Variants in JAK1 observed in about 807,000 individuals in gnomAD.
The protein encoded by JAK1 is tyrosine-protein kinase JAK1.
JAK1 carries 16 observed loss-of-function variants against 136.6 expected under a neutral mutation model. The observed-to-expected ratio is 0.12, with a 90% CI of 0.08 to 0.18. The LOEUF is 0.18. JAK1 is among the 10% of genes least tolerant of loss of function. The pLI is 1.00. For missense variants in JAK1, 859 were observed against 1,450.1 expected (o/e 0.59, Z 6.62); for synonymous variants, 492 against 519.5 (o/e 0.95, Z 0.72).
At chr1:64,979,133 T>C (rs1055596612) in intron 2 of JAK1, among the ~76,000 whole-genome samples, 2 of 152,220 alleles carry the variant, frequency 1.3e-5, no homozygotes, top group Non-Finnish European at 2.9e-5. Flanking sequence ...CAGTGGCTCC[T>C]GCCGGTAATC....
chr1:65,031,395 C>T (rs966110063), intron 2 of JAK1, among the ~76,000 whole-genome samples: 4 of 152,072 alleles, frequency 2.6e-5, no homozygotes, highest in South Asian at 2.1e-4. Flanking sequence ...TTTTGTAGAA[C>T]ATTCTACAAA....
chr1:65,048,359 A>G (rs1368461210), intron 1 of JAK1, among the ~76,000 whole-genome samples: 1 of 152,198 alleles, frequency 6.6e-6, no homozygotes, highest in African/African-American at 2.4e-5. Flanking sequence ...TATTATTATT[A>G]CCATTGTCCA....
chr1:64,996,580 A>G (rs569778717), intron 2 of JAK1, among the ~76,000 whole-genome samples: 1 of 152,380 alleles, frequency 6.6e-6, no homozygotes, highest in South Asian at 2.1e-4. Flanking sequence ...TCTGCATCAT[A>G]TAAATACAAT....
chr1:64,975,050 C>T (rs1023876727), intron 2 of JAK1, among the ~76,000 whole-genome samples: 2 of 151,842 alleles, frequency 1.3e-5, no homozygotes, highest in Non-Finnish European at 2.9e-5. Flanking sequence ...GCTGGGATTA[C>T]AAGCATGTGC....
At chr1:64,871,184 G>C (rs925872997) in intron 5 of JAK1, among the ~76,000 whole-genome samples, 1 of 152,112 alleles carries the variant, frequency 6.6e-6, no homozygotes, top group African/African-American at 2.4e-5. Flanking sequence ...CCCTTTCTCT[G>C]TTGTCTCTAT....
chr1:64,930,659 AATG>A (rs58918921), intron 1 of JAK1, among the ~76,000 whole-genome samples: 87,987 of 151,348 alleles, frequency 0.58, 30,058 homozygotes, highest in Non-Finnish European at 0.79. Flanking sequence ...TATATACCCA[AATG>A]ATTATAAATC....
intron 1 of JAK1, among the ~76,000 whole-genome samples, chr1:64,890,938 A>G (rs533480801): frequency 6.6e-6 from 1 of 152,306 alleles, no homozygotes; most frequent in African/African-American, 2.4e-5. Context: ...AATCTTAGGC[A>G]AGTTAGTTAA....
chr1:65,063,804 CA>C (rs370192253), intron 1 of JAK1, among the ~76,000 whole-genome samples: 30,762 of 81,134 alleles, frequency 0.38, 3,286 homozygotes, highest in African/African-American at 0.53. Flanking sequence ...GACTCTATCT[CA>C]AAAAAAAAAA....
At chr1:65,000,645 AT>A (rs1353571781) in intron 2 of JAK1, among the ~76,000 whole-genome samples, 1 of 152,214 alleles carries the variant, frequency 6.6e-6, no homozygotes, top group Non-Finnish European at 1.5e-5. Flanking sequence ...AAAAACACGT[AT>A]GGAAAATATT....
chr1:64,846,621 C>T (rs1429399832), intron 14 of JAK1, 28 bp downstream of exon 14: 1 of 1,579,756 alleles, frequency 6.3e-7, no homozygotes, highest in Non-Finnish European at 8.7e-7. Flanking sequence ...GCCAGGCCAC[C>T]CACCCCTTTG....
At chr1:64,982,514 A>C (rs906081058) in intron 2 of JAK1, among the ~76,000 whole-genome samples, 1 of 152,124 alleles carries the variant, frequency 6.6e-6, no homozygotes, top group Non-Finnish European at 1.5e-5. Flanking sequence ...TAGGAGGTAA[A>C]AGGGTTGAAG....
chr1:64,985,772 C>T, intron 2 of JAK1: 3 of 644,600 alleles, frequency 4.7e-6, no homozygotes, highest in Non-Finnish European at 8.5e-6. Context: ...TACACAGTCC[C>T]ATAAGGCAGC....
At chr1:65,025,284 C>T (rs1646968835) in intron 2 of JAK1, among the ~76,000 whole-genome samples, 1 of 152,046 alleles carries the variant, frequency 6.6e-6, no homozygotes, top group Non-Finnish European at 1.5e-5. Context: ...TGGTTAGAGC[C>T]CACCCGAAAC....
At chr1:64,912,369 T>C (rs1411561599) in intron 1 of JAK1, among the ~76,000 whole-genome samples, 1 of 152,178 alleles carries the variant, frequency 6.6e-6, no homozygotes, top group Non-Finnish European at 1.5e-5. Flanking sequence ...TTCTTACTGA[T>C]TTTCTTTTTC....
chr1:64,945,124 T>C (rs1645961017), intron 1 of JAK1, among the ~76,000 whole-genome samples: 1 of 151,944 alleles, frequency 6.6e-6, no homozygotes, highest in African/African-American at 2.4e-5. Context: ...AACAGTCCAC[T>C]AGCCCTTACG....
intron 1 of JAK1, among the ~76,000 whole-genome samples, chr1:64,922,158 AC>A (rs780155568): frequency 2.9e-4 from 43 of 150,386 alleles, no homozygotes; most frequent in Non-Finnish European, 5.5e-4. Flanking sequence ...GAAAAAAAAA[AC>A]CACAACAACA....
At chr1:65,052,862 A>AG (rs1647345914) in intron 1 of JAK1, among the ~76,000 whole-genome samples, 1 of 6,442 alleles carries the variant, frequency 1.6e-4, no homozygotes, top group Non-Finnish European at 4.4e-4. Flanking sequence ...ACTCCATCTC[A>AG]AAAAAAAAAA....
rs539496652 is a variant in JAK1, at chr1:64,913,739, T to C, written c.-77-27398A>G. Among the ~76,000 whole-genome samples, 621 of 87,086 alleles carry C rather than the reference T, an allele frequency of 7.1e-3. 3 individuals are homozygous for C. The highest frequency in any genetic ancestry group is 0.011 in the Non-Finnish European group (448 of 40,522). The allele number at this position is 87,086 out of a possible 152,430, so 57.1% of individuals were successfully genotyped here. A position where few individuals can be genotyped will look rare whatever the true frequency, so the allele number is the denominator to read the frequency against. On this transcript the variant is annotated intron_variant, in intron 1 of 24. Coordinates refer to ENST00000342505, the MANE Select transcript of JAK1 (RefSeq NM_002227.4). ...AGGGAGGGAGGGAGGGAGGGAGGAA[T>C]TGAAAGGAAGTGTGTGGGAGCAAAA...
At chr1:64,839,358 A>C (rs1182755850) in intron 20 of JAK1, 2 of 403,594 alleles carry the variant, frequency 5.0e-6, no homozygotes, top group Non-Finnish European at 8.8e-6. Flanking sequence ...GCATAAGTGC[A>C]AGTGACGTGG....
Sources: allele counts gnomAD v4.1 joint callset (sites outside exome capture counted in the v4.1 genomes callset), GRCh38; gene constraint gnomAD v4.1.1; transcripts MANE v1.5; gene names NCBI Gene and HGNC (gene_info 2026-07-23, HGNC 2026-07-21).